Variants in TSC22D1 observed in about 807,000 individuals in gnomAD.
TSC22D1 encodes TSC22 domain family protein 1.
A neutral mutation model predicts 74.2 loss-of-function variants in TSC22D1; 9 were observed. That is an observed-to-expected ratio of 0.12 (90% CI 0.07 to 0.21). TSC22D1 has a LOEUF of 0.21. TSC22D1 is among the 10% of genes least tolerant of loss of function. TSC22D1 has a pLI of 1.00. For missense variants in TSC22D1, 1,427 were observed against 1,304.7 expected (o/e 1.09, Z -1.44); for synonymous variants, 586 against 492.5 (o/e 1.19, Z -2.51).
At chr13:44,475,598 G>A (rs536870931) in intron 1 of TSC22D1, among the ~76,000 whole-genome samples, 12 of 151,788 alleles carry the variant, frequency 7.9e-5, no homozygotes, top group African/African-American at 7.2e-5. Context: ...CCAGCAAGCC[G>A]CCAGTATAAT....
At chr13:44,533,586 C>G (rs1452426555) in intron 1 of TSC22D1, among the ~76,000 whole-genome samples, 1 of 151,982 alleles carries the variant, frequency 6.6e-6, no homozygotes, top group African/African-American at 2.4e-5. Context: ...GAGTTCAAGA[C>G]CTGCCTGGCC....
intron 1 of TSC22D1, among the ~76,000 whole-genome samples, chr13:44,453,763 T>C (rs1290962872): frequency 1.3e-5 from 2 of 152,368 alleles, no homozygotes; most frequent in East Asian, 3.9e-4. Flanking sequence ...CTAGTCATCA[T>C]GGCTAGACAC....
At chr13:44,570,757 C>A (rs1883709534) in intron 1 of TSC22D1, among the ~76,000 whole-genome samples, 2 of 152,284 alleles carry the variant, frequency 1.3e-5, no homozygotes, top group South Asian at 2.1e-4. Context: ...TTCCCTCTCT[C>A]CTGAGACTAA....
At chr13:44,563,220 G>A (rs1055679457) in intron 1 of TSC22D1, among the ~76,000 whole-genome samples, 1 of 152,126 alleles carries the variant, frequency 6.6e-6, no homozygotes, top group Non-Finnish European at 1.5e-5. Flanking sequence ...TGGGTTTTGG[G>A]GTTGTTACCC....
intron 1 of TSC22D1, among the ~76,000 whole-genome samples, chr13:44,556,406 C>T (rs775043773): frequency 3.3e-5 from 5 of 151,520 alleles, no homozygotes; most frequent in African/African-American, 1.2e-4. Flanking sequence ...ATTAGCTGGG[C>T]GCAGTGGTGC....
intron 1 of TSC22D1, among the ~76,000 whole-genome samples, chr13:44,550,519 C>T (rs977789237): frequency 6.7e-6 from 1 of 149,960 alleles, no homozygotes; most frequent in African/African-American, 2.5e-5. Context: ...GAGACAGAGG[C>T]TGCAGTGAGC....
intron 1 of TSC22D1, among the ~76,000 whole-genome samples, chr13:44,478,929 GT>G (rs1255557417): frequency 1.3e-5 from 2 of 152,088 alleles, no homozygotes; most frequent in Non-Finnish European, 1.5e-5. Flanking sequence ...ATGTATGTGT[GT>G]ATGTTTACGT....
At chr13:44,517,782 T>C (rs1175047276) in intron 1 of TSC22D1, among the ~76,000 whole-genome samples, 6 of 131,272 alleles carry the variant, frequency 4.6e-5, no homozygotes, top group Non-Finnish European at 8.0e-5. Flanking sequence ...TATATACACA[T>C]ATATATACAT....
intron 1 of TSC22D1, among the ~76,000 whole-genome samples, chr13:44,541,436 C>A (rs570318746): frequency 2.6e-5 from 4 of 151,748 alleles, no homozygotes; most frequent in Non-Finnish European, 5.9e-5. Flanking sequence ...TCTGCAATTA[C>A]CAAATATTAA....
chr13:44,461,312 C>T (rs528967655), intron 1 of TSC22D1, among the ~76,000 whole-genome samples: 6 of 152,272 alleles, frequency 3.9e-5, no homozygotes, highest in African/African-American at 1.2e-4. Context: ...TCTTTCCATA[C>T]ACTTAAATAT....
chr13:44,455,303 T>G (rs1294195432), intron 1 of TSC22D1, among the ~76,000 whole-genome samples: 1 of 152,292 alleles, frequency 6.6e-6, no homozygotes, highest in African/African-American at 2.4e-5. Context: ...AATGCTGTAT[T>G]CAAGAGACCC....
chr13:44,548,893 T>G (rs1882007432), intron 1 of TSC22D1, among the ~76,000 whole-genome samples: 1 of 152,158 alleles, frequency 6.6e-6, no homozygotes, highest in South Asian at 2.1e-4. Flanking sequence ...GTACAAGAAC[T>G]TCATAATTTA....
intron 1 of TSC22D1, among the ~76,000 whole-genome samples, chr13:44,558,281 A>G (rs566814715): frequency 7.9e-5 from 12 of 152,256 alleles, no homozygotes; most frequent in Non-Finnish European, 1.2e-4. Flanking sequence ...CAAGGTCCTT[A>G]ACTTCACAAT....
At chr13:44,546,840 G>A (rs566446369) in intron 1 of TSC22D1, among the ~76,000 whole-genome samples, 4 of 151,806 alleles carry the variant, frequency 2.6e-5, no homozygotes, top group East Asian at 1.9e-4. Context: ...TGAAACAATC[G>A]TGGCTCACTG....
chr13:44,572,699 T>C (rs1193940951), intron 1 of TSC22D1, among the ~76,000 whole-genome samples: 2 of 152,186 alleles, frequency 1.3e-5, no homozygotes, highest in East Asian at 1.9e-4. Flanking sequence ...CTAGGAAAAG[T>C]AGGCAACAAT....
At chr13:44,461,711 CTCAT>C (rs986912999) in intron 1 of TSC22D1, among the ~76,000 whole-genome samples, 12 of 152,106 alleles carry the variant, frequency 7.9e-5, no homozygotes, top group African/African-American at 2.9e-4. Flanking sequence ...CAGATAAATA[CTCAT>C]TCAGAGATCT....
Position 44,459,934 on chromosome 13 carries a change from A to G in TSC22D1, c.2913-23839T>C, listed in dbSNP as rs188146351. 1.8e-4 allele frequency among the ~76,000 whole-genome samples: 27 copies of G among 152,172 alleles called. No homozygotes were observed. In the East Asian group the frequency reaches 5.0e-3, roughly 28 times the overall value. ...CTGTCTCATCCTTGGCAGGCATGGGATCCAGGACAGTAGCACAAGCGGAGA... is the reference window on the plus strand; with the variant it reads ...CTGTCTCATCCTTGGCAGGCATGGGGTCCAGGACAGTAGCACAAGCGGAGA... On this transcript the variant is annotated intron_variant, in intron 1 of 2. Transcript: ENST00000458659.
At chr13:44,437,341 C>T (rs1364929853) in intron 1 of TSC22D1, 1 of 811,168 alleles carries the variant, frequency 1.2e-6, no homozygotes, top group Non-Finnish European at 1.5e-6. Context: ...TTACCGGCAG[C>T]GGTACTGGGA....
At chr13:44,437,752 T>C (rs961118817) in intron 1 of TSC22D1, among the ~76,000 whole-genome samples, 3 of 152,212 alleles carry the variant, frequency 2.0e-5, no homozygotes, top group East Asian at 1.9e-4. Context: ...CCCTCAATCC[T>C]ATGAGCCTTC....
Sources: gnomAD v4.1 joint callset for allele counts (sites outside exome capture counted in the v4.1 genomes callset) on GRCh38, gnomAD v4.1.1 for gene constraint, MANE v1.5 for transcripts, NCBI Gene and HGNC (gene_info 2026-07-23, HGNC 2026-07-21) for gene names.